The following ANKRD62 variants were observed in gnomAD, a reference collection of about 807,000 sequenced individuals.
ANKRD62 encodes ankyrin repeat domain-containing protein 62.
In ANKRD62, 61 loss-of-function variants were observed where a neutral mutation model predicts 98.8. The observed-to-expected ratio is 0.62, with a 90% CI of 0.50 to 0.76. ANKRD62 has a LOEUF of 0.76. Among genes scored for constraint, ANKRD62 ranks in the 30% least tolerant of loss-of-function variants. The pLI is 0.00. For missense variants in ANKRD62, 933 were observed against 1,082.9 expected (o/e 0.86, Z 1.94); for synonymous variants, 341 against 367.9 (o/e 0.93, Z 0.84).
chr18:12,178,086 G>T, the ANKRD62 span, among the ~76,000 whole-genome samples: 10 of 149,664 alleles, frequency 6.7e-5, no homozygotes, highest in Middle Eastern at 3.4e-3. Flanking sequence ...AGCATAAGAA[G>T]CATTAGAACG....
At chr18:12,180,811 T>A in the ANKRD62 span, among the ~76,000 whole-genome samples, 2 of 151,592 alleles carry the variant, frequency 1.3e-5, no homozygotes, top group South Asian at 4.2e-4. Context: ...TTTTTTTTTA[T>A]ACTTTAAGTT....
At position 12,125,697 on chromosome 18, in the gene ANKRD62, A is replaced by G. The variant is rs766056079; in HGVS notation, c.1876A>G (p.Asn626Asp). 1.9e-6 allele frequency: 3 copies of G among 1,539,786 alleles called. No individual in the cohort carries two copies. Among genetic ancestry groups the G allele is most frequent in the Non-Finnish European group, 2.6e-6 (3 of 1,146,844 alleles). The change falls in exon 13 of 14, where the codon AAT (asparagine) becomes GAT (aspartate). Residue 626 changes from asparagine to aspartate, a missense_variant. Asn to Asp is a conservative substitution (Grantham distance 23, BLOSUM62 1). Coordinates refer to ENST00000587848, the MANE Select transcript of ANKRD62 (RefSeq NM_001277333.2). ...KTITRYSKEL[N>D]VLMDENTMLN... ...AATAACCCGGTATAGTAAAGAGCTT[A>G]ATGTTCTGATGGATGAGAATACAAT...
chr18:12,126,152 T>C lies in ANKRD62; in HGVS notation c.2331T>C (p.Phe777=), dbSNP rs1020072468. ...RKQQSVEDGL[F]QLQSQNLLYQ... is the part of the protein sequence containing the mutation. Reference sequence around the variant, plus strand: ...AGCAATCTGTAGAGGATGGACTATTTCAACTACAAAGCCAAAATCTGTTGT... The same window carrying C: ...AGCAATCTGTAGAGGATGGACTATTCCAACTACAAAGCCAAAATCTGTTGT... The change falls in exon 13 of 14, where the codon TTT becomes TTC. Residue 777 remains phenylalanine (F), a synonymous_variant. Coordinates refer to ENST00000587848, the MANE Select transcript of ANKRD62 (RefSeq NM_001277333.2). 1.2e-5 allele frequency: 19 copies of C among 1,535,992 alleles called. No homozygotes were observed. The African/African-American group carries it at 2.5e-4, about 20-fold the overall frequency.
chr18:12,170,702 G>A, the ANKRD62 span, among the ~76,000 whole-genome samples: 19 of 152,192 alleles, frequency 1.2e-4, no homozygotes, highest in Middle Eastern at 3.4e-3. Flanking sequence ...CTTCTGTCTC[G>A]TTGATCTGTC....
chr18:12,135,897 T>G, the ANKRD62 span, among the ~76,000 whole-genome samples: 2 of 152,350 alleles, frequency 1.3e-5, no homozygotes, highest in African/African-American at 4.8e-5. Flanking sequence ...GTTGTTTGTT[T>G]TTTTCTTGTA....
the ANKRD62 span, among the ~76,000 whole-genome samples, chr18:12,171,826 C>G: frequency 6.6e-6 from 1 of 152,134 alleles, no homozygotes; most frequent in Admixed American, 6.5e-5. Flanking sequence ...TTCTTGGAGG[C>G]TTTGTTCATT....
the ANKRD62 span, among the ~76,000 whole-genome samples, chr18:12,173,651 C>G: frequency 6.6e-6 from 1 of 152,168 alleles, no homozygotes; most frequent in Non-Finnish European, 1.5e-5. Flanking sequence ...ATATTGAGTG[C>G]TCTTATCAGG....
the ANKRD62 span, among the ~76,000 whole-genome samples, chr18:12,167,949 A>T: frequency 6.6e-6 from 1 of 152,064 alleles, no homozygotes; most frequent in Non-Finnish European, 1.5e-5. Flanking sequence ...CTATCTATTC[A>T]TATGCTTTGC....
chr18:12,138,970 A>C, the ANKRD62 span, among the ~76,000 whole-genome samples: 1 of 152,150 alleles, frequency 6.6e-6, no homozygotes, highest in Non-Finnish European at 1.5e-5. Context: ...TGAATACAGC[A>C]CACTGATGGT....
rs150416482 is a variant in ANKRD62, at chr18:12,112,710, A to C, written c.1065-2378A>C. On this transcript the variant is annotated intron_variant, in intron 8 of 13. Coordinates refer to ENST00000587848, the MANE Select transcript of ANKRD62 (RefSeq NM_001277333.2). ...ATTGCAACAAAAGCAAAAATTGACA[A>C]ATGGAATCTAATTAAACTAAGGAGC... Among the ~76,000 whole-genome samples the C allele has an allele frequency of 7.8e-3, 1,185 of 152,322 alleles. 19 individuals carry two copies. Among genetic ancestry groups the C allele is most frequent in the African/African-American group, 0.027 (1,127 of 41,560 alleles).
In ANKRD62 at chr18:12,126,034, A is replaced by G; in HGVS notation, c.2213A>G (p.Gln738Arg). Residue 738 changes from glutamine (Q) to arginine (R), a missense_variant, in exon 13 of 14, where the codon CAA (glutamine) becomes CGA (arginine). By Grantham distance (43) the Gln-to-Arg change is conservative. This residue lies in a region of ANKRD62 where 362 missense variants were observed against 434.5 expected (regional missense o/e 0.83). Coordinates refer to ENST00000587848, the MANE Select transcript of ANKRD62 (RefSeq NM_001277333.2). ...KEKTLHIEHM[Q>R]GVLSRTQRRL... Reference sequence around the variant, plus strand: ...AAGACGTTGCATATAGAACACATGCAAGGAGTCCTAAGCCGAACACAGCGT... The same window carrying G: ...AAGACGTTGCATATAGAACACATGCGAGGAGTCCTAAGCCGAACACAGCGT... 1 of 1,536,350 alleles carries G rather than the reference A, an allele frequency of 6.5e-7. No individual in the cohort carries two copies. The highest frequency in any genetic ancestry group is 8.7e-7 in the Non-Finnish European group (1 of 1,146,912).
chr18:12,111,154 CAGG>C (rs1489379085), intron 8 of ANKRD62, among the ~76,000 whole-genome samples: 1 of 151,042 alleles, frequency 6.6e-6, no homozygotes, highest in Non-Finnish European at 1.5e-5. Flanking sequence ...GAGGCTGAGG[CAGG>C]AGAATTGCCT....
chr18:12,102,261 A>G (rs900157895), intron 6 of ANKRD62: 22 of 761,784 alleles, frequency 2.9e-5, no homozygotes, highest in Middle Eastern at 3.6e-4. Flanking sequence ...AACACTGACG[A>G]CCCTCTCACT....
rs547545563 is a variant in ANKRD62 at position 12,115,612 on chromosome 18, T to G, written c.1240+78T>G. 118 of 1,277,618 alleles carry G rather than the reference T, an allele frequency of 9.2e-5. No homozygotes were observed. The South Asian group carries it at 1.7e-3, about 19-fold the overall frequency. 79.1% of individuals were successfully genotyped at this position (1,277,618 alleles called of 1,614,324 possible). On this transcript the variant is annotated intron_variant, in intron 10 of 13. Coordinates refer to ENST00000587848, the MANE Select transcript of ANKRD62 (RefSeq NM_001277333.2). ...GCACATATTGCTTAGCACGGCACCA[T>G]AGAACACTGATGTGTTATAGGGATG...
intron 8 of ANKRD62, among the ~76,000 whole-genome samples, chr18:12,108,416 G>C (rs532833188): frequency 1.3e-4 from 20 of 152,136 alleles, no homozygotes; most frequent in Non-Finnish European, 2.5e-4. Flanking sequence ...ATTAGCTCTT[G>C]TGAGAACTCA....
intron 7 of ANKRD62, 49 bp from the exon 8 acceptor site, chr18:12,107,246 A>T (rs768908521): frequency 1.5e-6 from 2 of 1,331,184 alleles, no homozygotes; most frequent in Admixed American, 3.3e-5. Flanking sequence ...AGTTCTTTCT[A>T]TTGGATAAAA....
rs201537483 is a variant in ANKRD62 at position 12,122,425 on chromosome 18, G to A, written c.1363G>A (p.Val455Ile). 53 of 1,535,032 alleles carry A rather than the reference G, an allele frequency of 3.5e-5. No individual in the cohort carries two copies. The highest frequency in any genetic ancestry group is 6.8e-5 in the African/African-American group (5 of 73,078). The change falls in exon 11 of 14, where the codon GTA becomes ATA. Residue 455 changes from valine (V) to isoleucine (I), a missense_variant. By Grantham distance (29) the Val-to-Ile change is conservative. Transcript: ENST00000587848. ...TCAAAAAATGAAAAATAATATTAGC[G>A]TACTACAAAAGGTACTATCTGAAAC... ...KFQKMKNNIS[V>I]LQKVLSETDK...
At chr18:12,106,586 T>C (rs775189497) in intron 7 of ANKRD62, among the ~76,000 whole-genome samples, 2 of 152,202 alleles carry the variant, frequency 1.3e-5, no homozygotes, top group African/African-American at 2.4e-5. Flanking sequence ...TAATCTTTTT[T>C]GATAATGGGG....
chr18:12,097,883 T>C, intron 5 of ANKRD62, 106 bp downstream of exon 5: 1 of 1,366,126 alleles, frequency 7.3e-7, no homozygotes, highest in East Asian at 2.5e-5. Context: ...CAGGTAGTTT[T>C]GGAGTGGCAG....
Sources: allele counts gnomAD v4.1 joint callset (sites outside exome capture counted in the v4.1 genomes callset), GRCh38; gene constraint gnomAD v4.1.1; regional missense constraint gnomAD v4.1.1; transcripts MANE v1.5; gene names NCBI Gene and HGNC (gene_info 2026-07-23, HGNC 2026-07-21).